FER: variants seen among roughly 807,000 people sequenced by gnomAD.
The protein encoded by FER is tyrosine-protein kinase Fer.
Under a neutral mutation model 111.0 loss-of-function variants are expected in FER, and 63 were observed. That is an observed-to-expected ratio of 0.57 (90% CI 0.46 to 0.70). The LOEUF (loss-of-function observed/expected upper bound fraction) is 0.70. FER is among the 30% of genes least tolerant of loss of function. The pLI is 0.00. For missense variants in FER, 914 were observed against 954.0 expected, an observed-to-expected ratio of 0.96 and a Z score of 0.55; for synonymous variants, 327 against 313.9, an observed-to-expected ratio of 1.04 and a Z score of -0.44.
chr5:109,100,072 A>G (rs548344131), intron 16 of FER, among the ~76,000 whole-genome samples: 5 of 151,934 alleles, frequency 3.3e-5, no homozygotes, highest in Non-Finnish European at 4.4e-5. Context: ...AGCAAATTCT[A>G]TAGATTTTAG....
intron 13 of FER, among the ~76,000 whole-genome samples, chr5:109,008,067 G>C (rs375408660): frequency 2.2e-3 from 331 of 152,232 alleles, no homozygotes; most frequent in African/African-American, 7.5e-3. Context: ...TTTGTGATCT[G>C]TATGTCTTCT....
chr5:108,786,739 A>G (rs1441416981), intron 2 of FER, among the ~76,000 whole-genome samples: 4 of 152,108 alleles, frequency 2.6e-5, no homozygotes, highest in Non-Finnish European at 5.9e-5. Context: ...TAACCTCGTG[A>G]TCCGCCCACC....
At chr5:108,907,371 T>C (rs935408053) in intron 10 of FER, among the ~76,000 whole-genome samples, 4 of 152,050 alleles carry the variant, frequency 2.6e-5, no homozygotes, top group African/African-American at 9.7e-5. Flanking sequence ...CTCGGTTCAC[T>C]GAAACCTCTG....
chr5:109,102,985 T>A (rs1157465875), intron 17 of FER, among the ~76,000 whole-genome samples: 1 of 152,130 alleles, frequency 6.6e-6, no homozygotes, highest in Non-Finnish European at 1.5e-5. Flanking sequence ...ATAGATTATG[T>A]GTTTTTGCTC....
intron 13 of FER, among the ~76,000 whole-genome samples, chr5:108,959,755 A>G (rs1234912932): frequency 6.6e-6 from 1 of 152,078 alleles, no homozygotes; most frequent in Non-Finnish European, 1.5e-5. Context: ...ACAATGTATT[A>G]TAAGATATTG....
intron 3 of FER, among the ~76,000 whole-genome samples, chr5:108,807,720 C>T (rs369507665): frequency 3.9e-4 from 60 of 152,142 alleles, no homozygotes; most frequent in East Asian, 1.7e-3. Flanking sequence ...ATCCTGAATT[C>T]GAGATCTTTC....
intron 13 of FER, among the ~76,000 whole-genome samples, chr5:108,967,008 G>C (rs190224123): frequency 1.3e-5 from 2 of 152,256 alleles, no homozygotes; most frequent in East Asian, 3.9e-4. Context: ...TATGACACAT[G>C]ATTTTTCTCA....
chr5:108,794,534 C>CT (rs143701125), intron 2 of FER, among the ~76,000 whole-genome samples: 1 of 124,182 alleles, frequency 8.1e-6, no homozygotes, highest in Non-Finnish European at 1.8e-5. Flanking sequence ...GCACCCCCCC[C>CT]CCTCCCCGCA....
intron 10 of FER, among the ~76,000 whole-genome samples, chr5:108,904,371 A>C (rs77148233): frequency 0.071 from 10,887 of 152,306 alleles, 433 homozygotes; most frequent in Middle Eastern, 0.095. Flanking sequence ...CCATTTGTGC[A>C]GATATCTGGA....
intron 13 of FER, among the ~76,000 whole-genome samples, chr5:109,034,087 C>G (rs1376316238): frequency 1.3e-5 from 2 of 152,164 alleles, no homozygotes; most frequent in Non-Finnish European, 2.9e-5. Context: ...TGGAAACTTA[C>G]TCCTCCCATC....
At chr5:108,996,090 C>T (rs1483220444) in intron 13 of FER, among the ~76,000 whole-genome samples, 1 of 152,152 alleles carries the variant, frequency 6.6e-6, no homozygotes, top group African/African-American at 2.4e-5. Flanking sequence ...GTTCATATCC[C>T]TTGCCCACTT....
chr5:108,899,681 G>A (rs1430079013), intron 10 of FER, among the ~76,000 whole-genome samples: 3 of 151,840 alleles, frequency 2.0e-5, no homozygotes, highest in South Asian at 2.1e-4. Context: ...GTGTGTGCCT[G>A]TAATCCCAGC....
In FER at chr5:109,157,129, G is replaced by A. The variant is rs139213367; in HGVS notation, c.2049-23618G>A. Among the ~76,000 whole-genome samples the A allele has an allele frequency of 4.3e-3, 647 of 152,184 alleles. 5 individuals carry two copies. Among genetic ancestry groups the A allele is most frequent in the African/African-American group, 0.014 (601 of 41,530 alleles). On this transcript the variant is annotated intron_variant, in intron 17 of 19. Coordinates refer to ENST00000281092, the MANE Select transcript of FER (RefSeq NM_005246.4). ...TTCATGCTTGTTACATCATGATGAA[G>A]CTTGGTATAGCCCCTTACTCTCTCC...
intron 16 of FER, among the ~76,000 whole-genome samples, chr5:109,064,436 G>A (rs1342066061): frequency 1.3e-5 from 2 of 152,066 alleles, no homozygotes; most frequent in Non-Finnish European, 2.9e-5. Context: ...AACTATTTCA[G>A]TTAATAGGAT....
intron 5 of FER, chr5:108,836,009 G>C: frequency 3.2e-6 from 1 of 312,642 alleles, no homozygotes; most frequent in Non-Finnish European, 6.0e-6. Context: ...AAGTATTTTC[G>C]AATAGTTCAT....
At chr5:108,869,219 C>G (rs1248787327) in intron 6 of FER, among the ~76,000 whole-genome samples, 1 of 152,094 alleles carries the variant, frequency 6.6e-6, no homozygotes, top group Non-Finnish European at 1.5e-5. Flanking sequence ...TTACTTGTTC[C>G]TTACAGTATC....
chr5:108,815,890 G>T (rs1169160062), intron 3 of FER, among the ~76,000 whole-genome samples: 1 of 152,016 alleles, frequency 6.6e-6, no homozygotes, highest in Non-Finnish European at 1.5e-5. Context: ...TTTAAGCCTG[G>T]CTATAGAGCC....
At position 108,911,435 on chromosome 5, in the gene FER, GATTATTT is replaced by G. The variant is rs1286671120; in HGVS notation, c.1236+13591_1236+13597del. Among the ~76,000 whole-genome samples, 18 of 152,062 alleles carry G rather than the reference GATTATTT, an allele frequency of 1.2e-4. 1 individual carries two copies. The East Asian group carries it at 3.3e-3, about 28-fold the overall frequency. Reference sequence around the variant, plus strand: ...CTGTAGATTGTGTGTTTGTTCTGTTGATTATTTATTTTGATGTATAAAAACTTTCTAG... The same window carrying G: ...CTGTAGATTGTGTGTTTGTTCTGTTGATTTTGATGTATAAAAACTTTCTAG... On this transcript the variant is annotated intron_variant, in intron 10 of 19. Coordinates refer to ENST00000281092, the MANE Select transcript of FER (RefSeq NM_005246.4).
intron 5 of FER, among the ~76,000 whole-genome samples, chr5:108,845,599 T>G (rs552140335): frequency 2.0e-5 from 3 of 152,118 alleles, no homozygotes; most frequent in Non-Finnish European, 4.4e-5. Flanking sequence ...TTTTTTCTCC[T>G]TCTTTTTCTT....
Sources: gnomAD v4.1 joint callset for allele counts (sites outside exome capture counted in the v4.1 genomes callset) on GRCh38, gnomAD v4.1.1 for gene constraint, MANE v1.5 for transcripts, NCBI Gene and HGNC (gene_info 2026-07-23, HGNC 2026-07-21) for gene names.